Variants in PRR16 observed in about 807,000 individuals in gnomAD.
The protein encoded by PRR16 is protein Largen.
In PRR16, 6 loss-of-function variants were observed where a neutral mutation model predicts 18.2. The observed-to-expected ratio is 0.33, with a 90% CI of 0.18 to 0.65. The LOEUF (loss-of-function observed/expected upper bound fraction) is 0.65. Among genes scored for constraint, PRR16 ranks in the 30% least tolerant of loss-of-function variants. PRR16 has a pLI of 0.74. For synonymous variants in PRR16, 151 were observed against 147.8 expected, an observed-to-expected ratio of 1.02 and a Z score of -0.16; for missense variants, 412 against 376.6, an observed-to-expected ratio of 1.09 and a Z score of -0.78.
the PRR16 span, among the ~76,000 whole-genome samples, chr5:120,699,009 T>C: frequency 2.6e-5 from 4 of 152,124 alleles, no homozygotes; most frequent in Non-Finnish European, 4.4e-5. Flanking sequence ...TCAGACCCTG[T>C]AGGAAAGGCC....
intron 1 of PRR16, among the ~76,000 whole-genome samples, chr5:120,484,405 A>G (rs1749721629): frequency 6.9e-6 from 1 of 145,880 alleles, no homozygotes; most frequent in Non-Finnish European, 1.5e-5. Context: ...ATATATAAGA[A>G]TATATACCAA....
chr5:120,630,700 A>G (rs748866444), intron 1 of PRR16, among the ~76,000 whole-genome samples: 2 of 151,948 alleles, frequency 1.3e-5, no homozygotes, highest in Non-Finnish European at 2.9e-5. Flanking sequence ...TCCTTCTTTG[A>G]TTGAGATATC....
intron 1 of PRR16, among the ~76,000 whole-genome samples, chr5:120,484,257 G>C (rs1445420891): frequency 1.3e-5 from 2 of 148,838 alleles, no homozygotes; most frequent in East Asian, 3.9e-4. Context: ...ACCGACTCTA[G>C]TACTGAAAGT....
chr5:120,502,259 T>C (rs530576199), intron 1 of PRR16, among the ~76,000 whole-genome samples: 9 of 150,886 alleles, frequency 6.0e-5, no homozygotes, highest in Admixed American at 2.6e-4. Flanking sequence ...TCCTTTGTTC[T>C]TTAATTTTCA....
the PRR16 span, among the ~76,000 whole-genome samples, chr5:120,787,963 A>T: frequency 6.6e-6 from 1 of 151,220 alleles, no homozygotes; most frequent in Non-Finnish European, 1.5e-5. Flanking sequence ...TAAAGGTCTT[A>T]CTCTCTCTCT....
At chr5:120,648,400 G>C (rs1347768441) in intron 1 of PRR16, among the ~76,000 whole-genome samples, 1 of 151,980 alleles carries the variant, frequency 6.6e-6, no homozygotes, top group South Asian at 2.1e-4. Context: ...TCCTGGTGTA[G>C]CAAATGGCAA....
Position 120,515,243 on chromosome 5 carries a change from C to A in PRR16, c.159+50598C>A, listed in dbSNP as rs573463536. On this transcript the variant is annotated intron_variant, in intron 1 of 1. Coordinates refer to ENST00000407149, the MANE Select transcript of PRR16 (RefSeq NM_001300783.2). ...AACTCACTTTCATGATAAACCCACC[C>A]CCATGATAATCACATTAATCTATTT... Among the ~76,000 whole-genome samples the A allele has an allele frequency of 2.9e-3, 448 of 152,174 alleles. 2 individuals carry two copies. Among genetic ancestry groups the A allele is most frequent in the African/African-American group, 0.01 (421 of 41,500 alleles).
chr5:120,589,078 A>G (rs78816785), intron 1 of PRR16, among the ~76,000 whole-genome samples: 9,172 of 152,192 alleles, frequency 0.06, 383 homozygotes, highest in Non-Finnish European at 0.084. Flanking sequence ...AGTAGAGATG[A>G]TAATAAAACC....
intron 1 of PRR16, among the ~76,000 whole-genome samples, chr5:120,497,815 A>G (rs1226033031): frequency 6.6e-6 from 1 of 151,300 alleles, no homozygotes; most frequent in Non-Finnish European, 1.5e-5. Context: ...ACATAACATT[A>G]TATATATTTT....
At chr5:120,706,820 AG>A in the PRR16 span, among the ~76,000 whole-genome samples, 1 of 152,208 alleles carries the variant, frequency 6.6e-6, no homozygotes, top group Non-Finnish European at 1.5e-5. Flanking sequence ...TGGAGAAAAA[AG>A]GCAGGCTGTT....
chr5:120,626,262 C>T (rs563271736), intron 1 of PRR16, among the ~76,000 whole-genome samples: 1 of 152,198 alleles, frequency 6.6e-6, no homozygotes, highest in African/African-American at 2.4e-5. Flanking sequence ...TATACAATGG[C>T]ATACTGTTTG....
chr5:120,613,413 A>G (rs923632741), intron 1 of PRR16, among the ~76,000 whole-genome samples: 3 of 151,926 alleles, frequency 2.0e-5, no homozygotes, highest in Admixed American at 2.0e-4. Flanking sequence ...ATTATGTATT[A>G]TTATAGAAAG....
At chr5:120,794,561 T>C in the PRR16 span, among the ~76,000 whole-genome samples, 1 of 152,154 alleles carries the variant, frequency 6.6e-6, no homozygotes, top group Admixed American at 6.5e-5. Context: ...GCGAACTTAA[T>C]CAATAAATGT....
chr5:120,711,012 T>G, the PRR16 span, among the ~76,000 whole-genome samples: 2 of 152,152 alleles, frequency 1.3e-5, no homozygotes, highest in South Asian at 4.1e-4. Flanking sequence ...TCCTCCATTT[T>G]CAAAGCCAGC....
intron 1 of PRR16, among the ~76,000 whole-genome samples, chr5:120,528,592 G>C (rs984605967): frequency 6.6e-6 from 1 of 152,130 alleles, no homozygotes; most frequent in Admixed American, 6.6e-5. Flanking sequence ...CAAGTTTCCA[G>C]ATGTGGCTTA....
chr5:120,535,073 A>T (rs979629315), intron 1 of PRR16, among the ~76,000 whole-genome samples: 1 of 78,328 alleles, frequency 1.3e-5, no homozygotes, highest in African/African-American at 4.7e-5. Flanking sequence ...AACTCACTTT[A>T]CACGTGTGTG....
At chr5:120,667,948 G>A (rs1580856669) in intron 1 of PRR16, among the ~76,000 whole-genome samples, 1 of 152,060 alleles carries the variant, frequency 6.6e-6, no homozygotes, top group South Asian at 2.1e-4. Context: ...GGGGTGGAGA[G>A]TTCTGTAGAT....
At chr5:120,674,907 GT>G (rs1756743090) in intron 1 of PRR16, among the ~76,000 whole-genome samples, 1 of 150,936 alleles carries the variant, frequency 6.6e-6, no homozygotes, top group Non-Finnish European at 1.5e-5. Context: ...TTTAACATTT[GT>G]TTTATATTCC....
chr5:120,525,484 C>G (rs1751317153), intron 1 of PRR16, among the ~76,000 whole-genome samples: 1 of 151,786 alleles, frequency 6.6e-6, no homozygotes, highest in South Asian at 2.1e-4. Context: ...ACATAGCTTA[C>G]TATAAATAAA....
Sources: allele counts gnomAD v4.1 joint callset (sites outside exome capture counted in the v4.1 genomes callset), GRCh38; gene constraint gnomAD v4.1.1; transcripts MANE v1.5; gene names NCBI Gene and HGNC (gene_info 2026-07-23, HGNC 2026-07-21).